Variants in RXFP1 observed in about 807,000 individuals in gnomAD.
RXFP1 encodes relaxin receptor 1.
RXFP1 carries 73 observed loss-of-function variants against 89.8 expected under a neutral mutation model. The observed-to-expected ratio is 0.81, with a 90% CI of 0.67 to 0.99. The LOEUF is 0.99. Ranked by LOEUF, RXFP1 falls within the 50% of genes least tolerant of loss-of-function variation. The probability of loss-of-function intolerance (pLI) is 0.00; values close to 1 mark genes in which losing one functional copy is unlikely to be tolerated. For synonymous variants in RXFP1, 277 were observed against 305.5 expected, an observed-to-expected ratio of 0.91 and a Z score of 0.97; for missense variants, 793 against 895.5, an observed-to-expected ratio of 0.89 and a Z score of 1.46.
rs147137503 is a variant in RXFP1, at chr4:158,543,974, G to C, written c.49+21949G>C. The C allele has an allele frequency of 2.9e-4, 290 of 985,392 alleles. No individual in the cohort carries two copies. In the African/African-American group the frequency reaches 4.0e-3, roughly 14 times the overall value. 61.0% of individuals were successfully genotyped at this position (985,392 alleles called of 1,614,324 possible). A position where few individuals can be genotyped will look rare whatever the true frequency, so the allele number is the denominator to read the frequency against. On this transcript the variant is annotated intron_variant, in intron 1 of 17. Transcript: ENST00000307765. ...TTCTTGGTGCATATTTTTGCATTCT[G>C]CCATGTTTCGTCCATTTTGCCCCTA...
chr4:158,581,038 C>G (rs1250740497), intron 2 of RXFP1, among the ~76,000 whole-genome samples: 2 of 152,158 alleles, frequency 1.3e-5, no homozygotes, highest in Non-Finnish European at 2.9e-5. Context: ...GATCTACCCA[C>G]CTTGGCCTCC....
chr4:158,556,079 T>C (rs537525909), intron 1 of RXFP1, among the ~76,000 whole-genome samples: 68 of 152,070 alleles, frequency 4.5e-4, no homozygotes, highest in African/African-American at 1.6e-3. Context: ...AATAGACAAA[T>C]GGATTATATC....
At chr4:158,623,996 G>A (rs7695888) in intron 9 of RXFP1, among the ~76,000 whole-genome samples, 38,513 of 151,510 alleles carry the variant, frequency 0.25, 7,994 homozygotes, top group African/African-American at 0.57. Context: ...TTCCTGGGGG[G>A]AAAAAACCCC....
At chr4:158,549,004 C>A (rs954182958) in intron 1 of RXFP1, among the ~76,000 whole-genome samples, 6 of 151,740 alleles carry the variant, frequency 4.0e-5, no homozygotes, top group African/African-American at 9.7e-5. Context: ...GCCTGCCTTG[C>A]TAGATTGGGG....
chr4:158,559,200 G>A (rs546313163), intron 1 of RXFP1, among the ~76,000 whole-genome samples: 1 of 152,234 alleles, frequency 6.6e-6, no homozygotes, highest in South Asian at 2.1e-4. Context: ...CAGCACTTTG[G>A]GAGAACAAGG....
At chr4:158,589,226 C>G (rs1222203160) in intron 2 of RXFP1, among the ~76,000 whole-genome samples, 2 of 152,140 alleles carry the variant, frequency 1.3e-5, no homozygotes, top group African/African-American at 4.8e-5. Flanking sequence ...ATTATCTCCA[C>G]CTGGTCCCAC....
At position 158,570,767 on chromosome 4, in the gene RXFP1, CT is replaced by C. The variant is rs920683692; in HGVS notation, c.50-1929del. ...CTAATTGGCCCCTTGGCTTCAAATT[CT>C]TCATTGATTCCCCTTTGCATTTTAA... On this transcript the variant is annotated intron_variant, in intron 1 of 17. Transcript: ENST00000307765. 7.2e-5 allele frequency among the ~76,000 whole-genome samples: 11 copies of C among 152,250 alleles called. No individual in the cohort carries two copies. In the East Asian group the frequency reaches 7.7e-4, roughly 11 times the overall value.
chr4:158,542,417 A>G (rs183712692), intron 1 of RXFP1, among the ~76,000 whole-genome samples: 2 of 152,180 alleles, frequency 1.3e-5, no homozygotes, highest in Admixed American at 1.3e-4. Context: ...ACTTGTATAT[A>G]CCTACAGTAG....
In RXFP1 at chr4:158,608,038, TA is replaced by T. The variant is rs756658609; in HGVS notation, c.534del (p.Lys178AsnfsTer9). Reference protein sequence around the residue: ...YAFRGLNSLTKLYLSHNRITF... With the variant: ...YAFRGLNSLTXLYLSHNRITF... ...CTTTCAGAGGACTGAATAGCCTTAC[TA>T]AACTGTAAGTACCAGTGTGAATTAA... On this transcript the variant is annotated frameshift_variant, in exon 6 of 18. Transcript: ENST00000307765. LOFTEE classifies it high-confidence loss of function. 1.0e-4 allele frequency: 159 copies of T among 1,594,900 alleles called. 1 individual carries two copies. The South Asian group carries it at 1.7e-3, about 17-fold the overall frequency.
intron 1 of RXFP1, among the ~76,000 whole-genome samples, chr4:158,548,604 T>A (rs1375263983): frequency 6.6e-5 from 10 of 152,276 alleles, no homozygotes; most frequent in African/African-American, 2.2e-4. Context: ...GTTCCTTTCC[T>A]TGTTTAGTGC....
chr4:158,646,522 G>T, intron 15 of RXFP1: 1 of 1,278,832 alleles, frequency 7.8e-7, no homozygotes, highest in Non-Finnish European at 1.0e-6. Flanking sequence ...CAATAGACAA[G>T]ATCTGTGCTG....
intron 14 of RXFP1, among the ~76,000 whole-genome samples, chr4:158,644,123 T>C (rs1364689376): frequency 6.8e-6 from 1 of 147,166 alleles, no homozygotes; most frequent in East Asian, 2.1e-4. Flanking sequence ...CTGGGCTCAC[T>C]GCAAGCTCCG....
intron 1 of RXFP1, among the ~76,000 whole-genome samples, chr4:158,556,859 A>G (rs1751414735): frequency 6.6e-6 from 1 of 152,212 alleles, no homozygotes; most frequent in Non-Finnish European, 1.5e-5. Context: ...GATCGCATTC[A>G]TATGTGAAAT....
intron 3 of RXFP1, among the ~76,000 whole-genome samples, chr4:158,594,509 T>A (rs1444240660): frequency 6.6e-6 from 1 of 152,106 alleles, no homozygotes; most frequent in Non-Finnish European, 1.5e-5. Context: ...GACTTTTTTT[T>A]TTTTGCTGAT....
At chr4:158,540,153 A>G (rs1746253758) in intron 1 of RXFP1, among the ~76,000 whole-genome samples, 1 of 152,146 alleles carries the variant, frequency 6.6e-6, no homozygotes, top group Non-Finnish European at 1.5e-5. Context: ...GGGCAAGTCC[A>G]TAAAGTGAAA....
chr4:158,588,634 T>C (rs1191653995), intron 2 of RXFP1, among the ~76,000 whole-genome samples: 4 of 152,208 alleles, frequency 2.6e-5, no homozygotes, highest in Non-Finnish European at 5.9e-5. Flanking sequence ...CTAACCAAGA[T>C]ACATGTGAGT....
rs115733021 is a variant in RXFP1, at chr4:158,525,613, G to A, written c.49+3588G>A. Among the ~76,000 whole-genome samples the A allele has an allele frequency of 2.5e-3, 386 of 152,324 alleles. 3 individuals carry two copies. Among genetic ancestry groups the A allele is most frequent in the African/African-American group, 8.9e-3 (371 of 41,580 alleles). ...GGTTTAACTTTCTGTCTGAAAAACT[G>A]TAAGCATTTAGACCATTTGATTTCA... On this transcript the variant is annotated intron_variant, in intron 1 of 17. Coordinates refer to ENST00000307765, the MANE Select transcript of RXFP1 (RefSeq NM_021634.4).
rs780530781 is a variant in RXFP1 at position 158,612,379 on chromosome 4, A to G, written c.680+17A>G. On this transcript the variant is annotated intron_variant, in intron 8 of 17. Coordinates refer to ENST00000307765, the MANE Select transcript of RXFP1 (RefSeq NM_021634.4). ...TATTCTCTTGTAAGTACTAAACTAA[A>G]GCAAATATTTCAATCAAAGGCAAAG... The G allele has an allele frequency of 2.0e-6, 3 of 1,522,914 alleles. No individual in the cohort carries two copies. The highest frequency in any genetic ancestry group is 2.7e-6 in the Non-Finnish European group (3 of 1,109,276). The allele number at this position is 1,522,914 out of a possible 1,614,324, so 94.3% of individuals were successfully genotyped here.
intron 2 of RXFP1, among the ~76,000 whole-genome samples, chr4:158,575,149 G>C (rs1755938541): frequency 6.6e-6 from 1 of 152,148 alleles, no homozygotes; most frequent in Admixed American, 6.6e-5. Context: ...TCTAGCTTTA[G>C]TGCTAAGTTT....
Sources: gnomAD v4.1 joint callset for allele counts (sites outside exome capture counted in the v4.1 genomes callset) on GRCh38, gnomAD v4.1.1 for gene constraint, MANE v1.5 for transcripts, NCBI Gene and HGNC (gene_info 2026-07-23, HGNC 2026-07-21) for gene names.